Variants in MRTFA observed in about 807,000 individuals in gnomAD.
MRTFA encodes the protein myocardin-related transcription factor A.
A neutral mutation model predicts 83.5 loss-of-function variants in MRTFA; 20 were observed. The observed-to-expected ratio is 0.24, with a 90% CI of 0.17 to 0.35. The LOEUF (loss-of-function observed/expected upper bound fraction) is 0.35, where lower values mean the gene tolerates loss of function less well. Ranked by LOEUF, MRTFA falls within the 10% of genes least tolerant of loss-of-function variation. The pLI, the probability that MRTFA is intolerant of heterozygous loss-of-function variation, is 1.00. For missense variants in MRTFA, 1,200 were observed against 1,224.7 expected (o/e 0.98, Z 0.30); for synonymous variants, 659 against 541.2 (o/e 1.22, Z -3.02).
intron 3 of MRTFA, among the ~76,000 whole-genome samples, chr22:40,475,589 C>T (rs2053980834): frequency 6.6e-6 from 1 of 152,134 alleles, no homozygotes; most frequent in Non-Finnish European, 1.5e-5. Context: ...AACATCTAGA[C>T]AAGTGTAACA....
intron 3 of MRTFA, among the ~76,000 whole-genome samples, chr22:40,551,794 G>T (rs963254595): frequency 1.3e-5 from 2 of 152,126 alleles, no homozygotes; most frequent in African/African-American, 4.8e-5. Flanking sequence ...ACAGAGGCTT[G>T]TTTACCATTT....
chr22:40,453,370 C>T (rs1031539810), intron 4 of MRTFA, among the ~76,000 whole-genome samples: 3 of 152,184 alleles, frequency 2.0e-5, no homozygotes, highest in Admixed American at 6.5e-5. Context: ...TGAGCTCTGA[C>T]GGAAGCGGGA....
At position 40,463,286 on chromosome 22, in the gene MRTFA, A is replaced by G; in HGVS notation, c.242T>C (p.Val81Ala). ...GCGCTGCTGGAGTTTCAACTGTAGC[A>G]CTGCAGGGCAGCAGAGAGAGAGGAG... The change falls in exon 4 of 15, where the codon GTG becomes GCG. Residue 81 changes from valine (V) to alanine (A), a missense_variant and splice_region_variant. By Grantham distance (64) the Val-to-Ala change is moderately conservative. Coordinates refer to ENST00000355630, the MANE Select transcript of MRTFA (RefSeq NM_020831.6). 1 of 1,613,992 alleles carries G rather than the reference A, an allele frequency of 6.2e-7. No homozygotes were observed. The highest frequency in any genetic ancestry group is 8.5e-7 in the Non-Finnish European group (1 of 1,179,898).
At chr22:40,495,291 A>C (rs2054332525) in intron 3 of MRTFA, among the ~76,000 whole-genome samples, 1 of 152,086 alleles carries the variant, frequency 6.6e-6, no homozygotes, top group Non-Finnish European at 1.5e-5. Flanking sequence ...CTAAAAAAAA[A>C]TACAAAAAAA....
chr22:40,630,238 C>G lies in MRTFA; in HGVS notation c.-84+6240G>C, dbSNP rs144519910. The stretch of plus-strand genomic sequence containing the variant: ...AGCTGAGGCAGGAGAATCGCTTGAA[C>G]CTGGGAGGCGGCAGTTGCAGTGAGC... On this transcript the variant is annotated intron_variant, in intron 1 of 14. Coordinates refer to ENST00000355630, the MANE Select transcript of MRTFA (RefSeq NM_020831.6). 4.8e-3 allele frequency among the ~76,000 whole-genome samples: 732 copies of G among 152,214 alleles called. 6 individuals are homozygous for G. The highest frequency in any genetic ancestry group is 7.5e-3 in the Non-Finnish European group (512 of 68,016).
At chr22:40,585,888 G>A (rs2056020461) in intron 2 of MRTFA, among the ~76,000 whole-genome samples, 1 of 152,226 alleles carries the variant, frequency 6.6e-6, no homozygotes, top group Admixed American at 6.5e-5. Context: ...ATAATACACA[G>A]GTCACAGAAT....
At chr22:40,414,292 A>G (rs1297824143) in intron 14 of MRTFA, among the ~76,000 whole-genome samples, 2 of 152,130 alleles carry the variant, frequency 1.3e-5, no homozygotes, top group East Asian at 3.8e-4. Flanking sequence ...GCAGTGAGCC[A>G]AGATCGTGCT....
At chr22:40,631,430 C>A (rs529803843) in intron 1 of MRTFA, among the ~76,000 whole-genome samples, 1 of 152,274 alleles carries the variant, frequency 6.6e-6, no homozygotes, top group South Asian at 2.1e-4. Flanking sequence ...TTTTTATCCC[C>A]ATTTTACAGC....
chr22:40,419,433 G>T, intron 11 of MRTFA, 49 bp from the exon 12 acceptor site: 2 of 1,568,326 alleles, frequency 1.3e-6, no homozygotes, highest in Non-Finnish European at 1.7e-6. Flanking sequence ...TGGACACAGG[G>T]CACTGGGTCC....
chr22:40,526,303 G>A (rs534812479), intron 3 of MRTFA: 1 of 152,252 alleles, frequency 6.6e-6, no homozygotes, highest in African/African-American at 2.4e-5. Flanking sequence ...AAAGCGCTGG[G>A]ATTATAGGTG....
chr22:40,419,302 G>A lies in MRTFA; in HGVS notation c.1436C>T (p.Ala479Val), dbSNP rs375153992. Residue 479 changes from alanine (A) to valine (V), a missense_variant, in exon 12 of 15, where the codon GCC (alanine) becomes GTC (valine). By Grantham distance (64) the Ala-to-Val change is moderately conservative (BLOSUM62 0). Coordinates refer to ENST00000355630, the MANE Select transcript of MRTFA (RefSeq NM_020831.6). ...CACAGGGCTGATTTGGTCTTGATAGGCTCGAAGGCGCTCAATCAGCTCAGT... is the reference window on the plus strand; with the variant it reads ...CACAGGGCTGATTTGGTCTTGATAGACTCGAAGGCGCTCAATCAGCTCAGT... The A allele has an allele frequency of 3.2e-5, 51 of 1,613,874 alleles. No individual in the cohort carries two copies. The highest frequency in any genetic ancestry group is 4.2e-5 in the Non-Finnish European group (49 of 1,180,022).
chr22:40,534,208 C>T (rs2413624), intron 3 of MRTFA, among the ~76,000 whole-genome samples: 100,732 of 151,996 alleles, frequency 0.66, 33,789 homozygotes, highest in African/African-American at 0.74. Flanking sequence ...AGAATTCCAA[C>T]GGCTTTTTTA....
chr22:40,458,304 C>T (rs2053632877), intron 4 of MRTFA, among the ~76,000 whole-genome samples: 1 of 152,208 alleles, frequency 6.6e-6, no homozygotes, highest in Admixed American at 6.5e-5. Flanking sequence ...ATAAAGAATA[C>T]TGCAAAATGA....
intron 1 of MRTFA, among the ~76,000 whole-genome samples, chr22:40,618,204 A>T (rs1385503982): frequency 6.7e-6 from 1 of 150,192 alleles, no homozygotes; most frequent in Non-Finnish European, 1.5e-5. Flanking sequence ...CCTCCCGAGT[A>T]GCTGGGACTA....
chr22:40,635,674 A>G (rs1324786506), intron 1 of MRTFA, among the ~76,000 whole-genome samples: 2 of 152,214 alleles, frequency 1.3e-5, no homozygotes, highest in African/African-American at 4.8e-5. Flanking sequence ...GGCATTCTCA[A>G]CATCCCAAAA....
chr22:40,511,532 G>C (rs1454933659), intron 3 of MRTFA, among the ~76,000 whole-genome samples: 1 of 152,150 alleles, frequency 6.6e-6, no homozygotes, highest in Admixed American at 6.5e-5. Flanking sequence ...TTCTAAGACG[G>C]GGAAAGGCAG....
chr22:40,448,755 G>C (rs191700428), intron 4 of MRTFA, among the ~76,000 whole-genome samples: 106 of 152,284 alleles, frequency 7.0e-4, no homozygotes, highest in African/African-American at 2.5e-3. Flanking sequence ...TCCATCCAAA[G>C]TTAACTGAGT....
At chr22:40,546,106 C>T (rs1330689692) in intron 3 of MRTFA, among the ~76,000 whole-genome samples, 1 of 152,250 alleles carries the variant, frequency 6.6e-6, no homozygotes, top group African/African-American at 2.4e-5. Context: ...TCTCTCAACA[C>T]ACGGTACACC....
chr22:40,587,718 T>C, intron 2 of MRTFA: 2 of 337,170 alleles, frequency 5.9e-6, no homozygotes, highest in South Asian at 7.0e-5. Flanking sequence ...CCATGACAGA[T>C]ATTTCCAAAA....
Sources: allele counts gnomAD v4.1 joint callset (sites outside exome capture counted in the v4.1 genomes callset), GRCh38; gene constraint gnomAD v4.1.1; transcripts MANE v1.5; gene names NCBI Gene and HGNC (gene_info 2026-07-23, HGNC 2026-07-21).